GPR39: variants seen among roughly 807,000 people sequenced by gnomAD.
GPR39 encodes the protein G protein-coupled receptor 39.
In GPR39, 23 loss-of-function variants were observed where a neutral mutation model predicts 18.4. The ratio of observed to expected loss-of-function variants is 1.25; its 90% CI spans 0.90 to 1.77. The LOEUF (loss-of-function observed/expected upper bound fraction) is 1.77. Among genes scored for constraint, GPR39 ranks in the 40% most tolerant of loss-of-function variants. GPR39 has a pLI of 0.00. For missense variants in GPR39, 647 were observed against 602.4 expected (o/e 1.07, Z -0.78); for synonymous variants, 280 against 257.9 (o/e 1.09, Z -0.82).
intron 1 of GPR39, among the ~76,000 whole-genome samples, chr2:132,606,408 C>T (rs1223024980): frequency 6.6e-6 from 1 of 152,180 alleles, no homozygotes; most frequent in Non-Finnish European, 1.5e-5. Flanking sequence ...TTCTTTTATC[C>T]CTCTTGCAGG....
In GPR39 at chr2:132,567,247, G is replaced by A. The variant is rs535454942; in HGVS notation, c.857-77854G>A. Among the ~76,000 whole-genome samples the A allele has an allele frequency of 1.6e-4, 24 of 152,258 alleles. No individual in the cohort carries two copies. The East Asian group carries it at 3.3e-3, about 21-fold the overall frequency. ...TGAGGCAGGAGAATCGCTTGAACCC[G>A]GGAGGTGGAGGTTGCGGTGAGCCGA... On this transcript the variant is annotated intron_variant, in intron 1 of 1. Transcript: ENST00000329321.
rs79813691 is a variant in GPR39, at chr2:132,601,484, A to G, written c.857-43617A>G. Among the ~76,000 whole-genome samples the G allele has an allele frequency of 6.5e-3, 986 of 152,302 alleles. 7 individuals carry two copies. Among genetic ancestry groups the G allele is most frequent in the African/African-American group, 0.022 (927 of 41,568 alleles). On this transcript the variant is annotated intron_variant, in intron 1 of 1. Coordinates refer to ENST00000329321, the MANE Select transcript of GPR39 (RefSeq NM_001508.3). ...TACCTCAACATAATAAAAGCCATAT[A>G]TGACAGTCCCACCGCATATATCATA...
chr2:132,596,115 C>G (rs1430298557), intron 1 of GPR39, among the ~76,000 whole-genome samples: 1 of 152,014 alleles, frequency 6.6e-6, no homozygotes, highest in Non-Finnish European at 1.5e-5. Context: ...TGCTAGTGGC[C>G]GATTGCATGC....
At chr2:132,429,058 T>C (rs1680178320) in intron 1 of GPR39, among the ~76,000 whole-genome samples, 1 of 152,238 alleles carries the variant, frequency 6.6e-6, no homozygotes, top group African/African-American at 2.4e-5. Context: ...ATGATTTTGC[T>C]GCCAGGGCTG....
chr2:132,426,103 A>G (rs1680113730), intron 1 of GPR39, among the ~76,000 whole-genome samples: 1 of 152,172 alleles, frequency 6.6e-6, no homozygotes, highest in Admixed American at 6.5e-5. Flanking sequence ...CTTAGTTATA[A>G]CTTCCAAGAC....
chr2:132,449,830 CTT>C (rs1680602115), intron 1 of GPR39, among the ~76,000 whole-genome samples: 1 of 152,062 alleles, frequency 6.6e-6, no homozygotes, highest in African/African-American at 2.4e-5. Context: ...TATTTTCTCT[CTT>C]CTCTTATAGG....
chr2:132,461,946 T>C (rs1680840469), intron 1 of GPR39, among the ~76,000 whole-genome samples: 4 of 152,200 alleles, frequency 2.6e-5, no homozygotes. Context: ...ATTCTGGCTC[T>C]TCTTCCATCA....
intron 1 of GPR39, among the ~76,000 whole-genome samples, chr2:132,600,261 G>A (rs1681015506): frequency 6.6e-6 from 1 of 152,056 alleles, no homozygotes. Context: ...GTGGTAAGAG[G>A]GAAGTTTATG....
chr2:132,571,004 G>A (rs745516844), intron 1 of GPR39, among the ~76,000 whole-genome samples: 6 of 152,218 alleles, frequency 3.9e-5, no homozygotes, highest in Admixed American at 2.6e-4. Flanking sequence ...TCAGTGCGCT[G>A]TAGGGACTGT....
In GPR39 at chr2:132,502,796, G is replaced by A. The variant is rs192113516; in HGVS notation, c.856+84898G>A. Among the ~76,000 whole-genome samples the A allele has an allele frequency of 3.2e-3, 492 of 152,164 alleles. 1 individual carries two copies. Among genetic ancestry groups the A allele is most frequent in the Non-Finnish European group, 5.6e-3 (379 of 68,018 alleles). On this transcript the variant is annotated intron_variant, in intron 1 of 1. Transcript: ENST00000329321. Reference sequence around the variant, plus strand: ...TTCTTTCTTTGTCTTTGATGCATTGGGTTAATTCAAAAGCCTTGTCTTCGA... The same window carrying A: ...TTCTTTCTTTGTCTTTGATGCATTGAGTTAATTCAAAAGCCTTGTCTTCGA...
chr2:132,554,641 G>A (rs1680111063), intron 1 of GPR39, among the ~76,000 whole-genome samples: 1 of 152,122 alleles, frequency 6.6e-6, no homozygotes, highest in Non-Finnish European at 1.5e-5. Flanking sequence ...TATTCACTCT[G>A]CTCAAAAAGC....
intron 1 of GPR39, among the ~76,000 whole-genome samples, chr2:132,503,274 G>A (rs889629604): frequency 6.6e-6 from 1 of 152,136 alleles, no homozygotes; most frequent in Non-Finnish European, 1.5e-5. Context: ...ATTTTGATGT[G>A]GTGTTCTCCC....
At chr2:132,467,737 A>G (rs1680954939) in intron 1 of GPR39, among the ~76,000 whole-genome samples, 1 of 152,234 alleles carries the variant, frequency 6.6e-6, no homozygotes, top group Admixed American at 6.5e-5. Flanking sequence ...ATGGTACTAA[A>G]GTCAGTGAAG....
intron 1 of GPR39, among the ~76,000 whole-genome samples, chr2:132,460,289 C>G (rs1264878999): frequency 2.6e-5 from 4 of 152,102 alleles, no homozygotes; most frequent in Non-Finnish European, 5.9e-5. Context: ...TCCTGAATGG[C>G]TGTACCATTT....
intron 1 of GPR39, among the ~76,000 whole-genome samples, chr2:132,492,993 A>G (rs1461324697): frequency 2.8e-5 from 4 of 140,474 alleles, no homozygotes; most frequent in Non-Finnish European, 6.0e-5. Context: ...TATACACCAT[A>G]GATATACCAT....
intron 1 of GPR39, among the ~76,000 whole-genome samples, chr2:132,455,483 A>G (rs890154515): frequency 2.0e-5 from 3 of 152,106 alleles, no homozygotes; most frequent in East Asian, 1.9e-4. Flanking sequence ...TATCTCTTTC[A>G]GTTCTGCTCT....
At chr2:132,514,970 A>G (rs557792874) in intron 1 of GPR39, among the ~76,000 whole-genome samples, 5 of 152,280 alleles carry the variant, frequency 3.3e-5, no homozygotes, top group East Asian at 1.9e-4. Context: ...ATGGAAGACA[A>G]TTATTTCGAG....
rs962554140 is a variant in GPR39 at position 132,416,841 on chromosome 2, T to C, written c.-202T>C. ...CAAACCTCAACACCCAGGCGCCTCC[T>C]GGGCCTCTCCTAGGTTGGGCTGCTC... On this transcript the variant is annotated 5_prime_UTR_variant, in exon 1 of 2. Coordinates refer to ENST00000329321, the MANE Select transcript of GPR39 (RefSeq NM_001508.3). 3 of 661,862 alleles carry C rather than the reference T, an allele frequency of 4.5e-6. No homozygotes were observed. The highest frequency in any genetic ancestry group is 3.6e-5 in the African/African-American group (2 of 55,004). 41.0% of individuals were successfully genotyped at this position (661,862 alleles called of 1,614,324 possible). A position where few individuals can be genotyped will look rare whatever the true frequency, so the allele number is the denominator to read the frequency against.
At chr2:132,511,017 A>C (rs1679231728) in intron 1 of GPR39, among the ~76,000 whole-genome samples, 1 of 152,236 alleles carries the variant, frequency 6.6e-6, no homozygotes, top group Admixed American at 6.5e-5. Flanking sequence ...AGACATACCA[A>C]AAAGGAAAAC....
Sources: gnomAD v4.1 joint callset for allele counts (sites outside exome capture counted in the v4.1 genomes callset) on GRCh38, gnomAD v4.1.1 for gene constraint, MANE v1.5 for transcripts, NCBI Gene and HGNC (gene_info 2026-07-23, HGNC 2026-07-21) for gene names.